Variants in CWF19L1 observed in about 807,000 individuals in gnomAD.
CWF19L1 encodes the protein CWF19 like cell cycle control factor 1.
In CWF19L1, 60 loss-of-function variants were observed where a neutral mutation model predicts 69.7. The observed-to-expected ratio is 0.86, with a 90% CI of 0.70 to 1.07. The LOEUF is 1.07. CWF19L1 is among the 50% of genes least tolerant of loss of function. The pLI is 0.00. For synonymous variants in CWF19L1, 209 were observed against 222.2 expected, an observed-to-expected ratio of 0.94 and a Z score of 0.53; for missense variants, 591 against 638.9, an observed-to-expected ratio of 0.92 and a Z score of 0.81.
chr10:100,239,509 C>T lies in CWF19L1; in HGVS notation c.1045-1278G>A, dbSNP rs538140678. On this transcript the variant is annotated intron_variant, in intron 10 of 13. Transcript: ENST00000354105. ...CAAAAATTAGCTGGGCATGGTGGCA[C>T]GTGCCTATAATCCCAGCTACTTGGG... 2.0e-5 allele frequency among the ~76,000 whole-genome samples: 3 copies of T among 152,186 alleles called. No homozygotes were observed. In the South Asian group the frequency reaches 6.2e-4, roughly 32 times the overall value.
At chr10:100,261,165 T>C (rs532942435) in intron 2 of CWF19L1, 121 bp from the exon 3 acceptor site, 2 of 659,798 alleles carry the variant, frequency 3.0e-6, no homozygotes, top group South Asian at 4.3e-5. Context: ...TTAATCAATT[T>C]GCAGATTTCA....
intron 5 of CWF19L1, among the ~76,000 whole-genome samples, chr10:100,255,306 C>T (rs192974619): frequency 6.6e-6 from 1 of 151,822 alleles, no homozygotes; most frequent in African/African-American, 2.4e-5. Flanking sequence ...ATCACTAGAG[C>T]GCAGGAGTTC....
chr10:100,264,805 G>GT (rs1383692315), intron 1 of CWF19L1, among the ~76,000 whole-genome samples: 1 of 151,860 alleles, frequency 6.6e-6, no homozygotes, highest in Non-Finnish European at 1.5e-5. Context: ...CTAGACTCGT[G>GT]TGTGTGTCTT....
In CWF19L1 at chr10:100,267,604, A is replaced by G. The variant is rs1847645870; in HGVS notation, c.-11T>C. The stretch of plus-strand genomic sequence containing the variant: ...CGGTTTCTGTGCCATCTGTCCGAAT[A>G]GTATGGGTTGCGACTGCCACCTAAA... On this transcript the variant is annotated 5_prime_UTR_variant, in exon 1 of 14. Coordinates refer to ENST00000354105, the MANE Select transcript of CWF19L1 (RefSeq NM_018294.6). The G allele has an allele frequency of 1.9e-6, 3 of 1,614,058 alleles. No individual in the cohort carries two copies. Among genetic ancestry groups the G allele is most frequent in the South Asian group, 1.1e-5 (1 of 91,092 alleles).
Position 100,243,614 on chromosome 10 carries a change from G to C in CWF19L1, c.1044+84C>G. The stretch of plus-strand genomic sequence containing the variant: ...ATCATACACTTAAACATGGGTAAAT[G>C]TTATATGTAGATTATGCCTCAATAA... On this transcript the variant is annotated intron_variant, in intron 10 of 13. Coordinates refer to ENST00000354105, the MANE Select transcript of CWF19L1 (RefSeq NM_018294.6). The C allele has an allele frequency of 2.5e-6, 3 of 1,179,466 alleles. No homozygotes were observed. In the Admixed American group the frequency reaches 5.1e-5, roughly 20 times the overall value. The allele number at this position is 1,179,466 out of a possible 1,614,324, so 73.1% of individuals were successfully genotyped here.
chr10:100,242,929 A>G (rs1165604260), intron 10 of CWF19L1, among the ~76,000 whole-genome samples: 2 of 152,316 alleles, frequency 1.3e-5, no homozygotes, highest in Admixed American at 6.5e-5. Context: ...ATGAGAGAGG[A>G]AAAGAGAGCT....
At chr10:100,255,940 A>G (rs923360680) in intron 5 of CWF19L1, among the ~76,000 whole-genome samples, 3 of 140,966 alleles carry the variant, frequency 2.1e-5, no homozygotes, top group Admixed American at 2.0e-4. Context: ...AAAAAAAAAC[A>G]AAAAACAAAA....
At chr10:100,243,645 A>G in intron 10 of CWF19L1, 53 bp downstream of exon 10, 3 of 1,456,376 alleles carry the variant, frequency 2.1e-6, no homozygotes, top group East Asian at 4.5e-5. Flanking sequence ...AATAAAGTTA[A>G]TAAAAAACAA....
intron 7 of CWF19L1, among the ~76,000 whole-genome samples, chr10:100,249,277 G>A (rs529402012): frequency 3.9e-5 from 6 of 152,102 alleles, no homozygotes; most frequent in East Asian, 3.9e-4. Context: ...ACAAAATATC[G>A]ATTTGCTTAT....
In CWF19L1 at chr10:100,246,885, T is replaced by G. The variant is rs190754430; in HGVS notation, c.759A>C (p.Glu253Asp). ...IVPMKLMDAA[E>D]LVKQPPDVTE... ...TGACATCCGGAGGCTGTTTTACCAGTTCTGCTGCATCCATTAGCTTCATGG... is the reference window on the plus strand; with the variant it reads ...TGACATCCGGAGGCTGTTTTACCAGGTCTGCTGCATCCATTAGCTTCATGG... Residue 253 changes from glutamate (E) to aspartate (D), a missense_variant, in exon 8 of 14, where the codon GAA becomes GAC. Coordinates refer to ENST00000354105, the MANE Select transcript of CWF19L1 (RefSeq NM_018294.6). 6.2e-7 allele frequency: 1 copy of G among 1,613,990 alleles called. No homozygotes were observed. The highest frequency in any genetic ancestry group is 1.3e-5 in the African/African-American group (1 of 75,042).
At chr10:100,250,127 C>T (rs1015309557) in intron 7 of CWF19L1, 121 bp downstream of exon 7, 12 of 737,022 alleles carry the variant, frequency 1.6e-5, no homozygotes, top group African/African-American at 1.2e-4. Flanking sequence ...AAGGAGTCTC[C>T]GAAACTGCTG....
chr10:100,261,889 G>C, intron 2 of CWF19L1, 90 bp downstream of exon 2: 1 of 1,090,582 alleles, frequency 9.2e-7, no homozygotes. Context: ...AAAATGGTAT[G>C]TGTTCAATCA....
At chr10:100,243,548 G>A (rs1236256573) in intron 10 of CWF19L1, 150 bp downstream of exon 10, 4 of 691,818 alleles carry the variant, frequency 5.8e-6, no homozygotes, top group African/African-American at 3.6e-5. Context: ...ACTATACCAC[G>A]TGATGGTGGC....
chr10:100,263,308 C>T (rs1407736573), intron 1 of CWF19L1, among the ~76,000 whole-genome samples: 3 of 152,118 alleles, frequency 2.0e-5, no homozygotes, highest in Admixed American at 6.6e-5. Flanking sequence ...TACTCTCTGC[C>T]TCTGTCATTC....
chr10:100,241,313 C>T (rs893074107), intron 10 of CWF19L1, among the ~76,000 whole-genome samples: 2 of 152,004 alleles, frequency 1.3e-5, no homozygotes, highest in Admixed American at 6.6e-5. Context: ...CTGCACCCGG[C>T]CAAGACATTT....
In CWF19L1 at chr10:100,250,347, A is replaced by T. The variant is rs779504838; in HGVS notation, c.624-15T>A. The T allele has an allele frequency of 2.6e-5, 40 of 1,561,366 alleles. No homozygotes were observed. Among genetic ancestry groups the T allele is most frequent in the Non-Finnish European group, 3.5e-5 (40 of 1,133,360 alleles). On this transcript the variant is annotated splice_polypyrimidine_tract_variant and intron_variant, in intron 6 of 13. Coordinates refer to ENST00000354105, the MANE Select transcript of CWF19L1 (RefSeq NM_018294.6). ...TGATATGGTTTCTACAACATATTTG[A>T]GAGACAAAAAATTGCAAACAATTTT...
chr10:100,248,910 C>A, intron 7 of CWF19L1: 1 of 909,718 alleles, frequency 1.1e-6, no homozygotes, highest in Non-Finnish European at 1.8e-6. Context: ...AGGGCGATTC[C>A]AAGGCAGCAG....
At position 100,247,198 on chromosome 10, in the gene CWF19L1, G is replaced by A. The variant is rs777431223; in HGVS notation, c.709-263C>T. Among the ~76,000 whole-genome samples the A allele has an allele frequency of 5.3e-5, 8 of 152,254 alleles. No homozygotes were observed. The East Asian group carries it at 1.2e-3, about 22-fold the overall frequency. ...CCTCACAAACCAGGAGTTCTCACTCGGATAATGGAATAGTGACAACTGTCA... is the reference window on the plus strand; with the variant it reads ...CCTCACAAACCAGGAGTTCTCACTCAGATAATGGAATAGTGACAACTGTCA... On this transcript the variant is annotated intron_variant, in intron 7 of 13. Transcript: ENST00000354105.
Position 100,233,280 on chromosome 10 carries a change from C to A in CWF19L1, c.1564G>T (p.Ala522Ser), listed in dbSNP as rs1455608656. ...TCAAAGTCTTTCCGGAAGCGGCGAG[C>A]CAGGGTCTCCTCGTCTTCCTTGCTG... ...QISKEDEETL[A>S]RRFRKDFEPY... The change falls in exon 14 of 14, where the codon GCT (alanine) becomes TCT (serine). Residue 522 changes from alanine to serine, a missense_variant. Ala to Ser is a moderately conservative substitution (Grantham distance 99). Transcript: ENST00000354105. 6.2e-7 allele frequency: 1 copy of A among 1,613,958 alleles called. No individual in the cohort carries two copies. Among genetic ancestry groups the A allele is most frequent in the Admixed American group, 1.7e-5 (1 of 60,008 alleles).
Sources: gnomAD v4.1 joint callset for allele counts (sites outside exome capture counted in the v4.1 genomes callset) on GRCh38, gnomAD v4.1.1 for gene constraint, MANE v1.5 for transcripts, NCBI Gene and HGNC (gene_info 2026-07-23, HGNC 2026-07-21) for gene names.